VTA1: variants seen among roughly 807,000 people sequenced by gnomAD.
VTA1 encodes vacuolar protein sorting-associated protein VTA1 homolog.
VTA1 carries 24 observed loss-of-function variants against 36.9 expected under a neutral mutation model. The ratio of observed to expected loss-of-function variants is 0.65; its 90% CI spans 0.47 to 0.91. VTA1 has a LOEUF of 0.91. Among genes scored for constraint, VTA1 ranks in the 40% least tolerant of loss-of-function variants. The pLI is 0.00. For missense variants in VTA1, 393 were observed against 377.2 expected (o/e 1.04, Z -0.35); for synonymous variants, 142 against 130.2 (o/e 1.09, Z -0.62).
At chr6:142,207,691 A>T (rs533697976) in intron 7 of VTA1, among the ~76,000 whole-genome samples, 1 of 151,670 alleles carries the variant, frequency 6.6e-6, no homozygotes, top group Admixed American at 6.6e-5. Flanking sequence ...TGGACAGAGA[A>T]AACTGGAATA....
chr6:142,163,150 C>T (rs1774840172), intron 1 of VTA1, among the ~76,000 whole-genome samples: 1 of 152,132 alleles, frequency 6.6e-6, no homozygotes, highest in Non-Finnish European at 1.5e-5. Context: ...GTTGGCAGTA[C>T]CCTATGTTAG....
intron 4 of VTA1, among the ~76,000 whole-genome samples, chr6:142,180,345 AAATAAG>A (rs1409953900): frequency 6.6e-6 from 1 of 152,184 alleles, no homozygotes; most frequent in Non-Finnish European, 1.5e-5. Flanking sequence ...TTGAGCATAA[AAATAAG>A]AATGATAGTA....
At chr6:142,181,904 A>G (rs1235053634) in intron 4 of VTA1, among the ~76,000 whole-genome samples, 1 of 152,222 alleles carries the variant, frequency 6.6e-6, no homozygotes, top group Admixed American at 6.5e-5. Context: ...CAGGAAATAC[A>G]TGTAATCTGT....
In VTA1 at chr6:142,216,642, CA is replaced by C. The variant is rs543208542; in HGVS notation, c.779-1855del. Among the ~76,000 whole-genome samples, 99 of 151,832 alleles carry C rather than the reference CA, an allele frequency of 6.5e-4. 1 individual carries two copies. Among genetic ancestry groups the C allele is most frequent in the African/African-American group, 2.1e-3 (89 of 41,400 alleles). On this transcript the variant is annotated intron_variant, in intron 7 of 7. Coordinates refer to ENST00000367630, the MANE Select transcript of VTA1 (RefSeq NM_016485.5). The stretch of plus-strand genomic sequence containing the variant: ...CATTTTTTAAATATTGAAATTATTT[CA>C]CAAAAAAATACAGTATTTGTGTTTT...
At chr6:142,147,523 C>T in intron 1 of VTA1, 124 bp downstream of exon 1, 4 of 1,010,012 alleles carry the variant, frequency 4.0e-6, no homozygotes, top group Non-Finnish European at 5.9e-6. Flanking sequence ...TGACCTCGAG[C>T]CTACCCAGGG....
intron 1 of VTA1, among the ~76,000 whole-genome samples, chr6:142,152,177 A>G (rs1485181136): frequency 2.0e-5 from 3 of 151,880 alleles, no homozygotes; most frequent in African/African-American, 7.2e-5. Flanking sequence ...TCTGCATCCT[A>G]CAATAAATAA....
rs557273246 is a variant in VTA1 at position 142,174,690 on chromosome 6, C to T, written c.411+4269C>T. Among the ~76,000 whole-genome samples the T allele has an allele frequency of 1.8e-4, 28 of 152,242 alleles. 1 individual carries two copies. The East Asian group carries it at 5.4e-3, about 29-fold the overall frequency. On this transcript the variant is annotated intron_variant, in intron 4 of 7. Coordinates refer to ENST00000367630, the MANE Select transcript of VTA1 (RefSeq NM_016485.5). ...GCCAAAACTCATGTTAAAATGTGAT[C>T]CTCAGTGTTGGAGGTGAGGCCTGGT...
At chr6:142,156,649 G>C (rs1366304578) in intron 1 of VTA1, among the ~76,000 whole-genome samples, 1 of 152,122 alleles carries the variant, frequency 6.6e-6, no homozygotes, top group South Asian at 2.1e-4. Context: ...GGGTGACATT[G>C]TAAAGTTAAT....
intron 5 of VTA1, among the ~76,000 whole-genome samples, chr6:142,196,577 T>C (rs993360072): frequency 1.3e-5 from 2 of 152,164 alleles, no homozygotes; most frequent in African/African-American, 2.4e-5. Flanking sequence ...TTTTTTTCTC[T>C]TACAGTTTTT....
At chr6:142,201,646 A>G (rs1056923020) in intron 6 of VTA1, among the ~76,000 whole-genome samples, 1 of 152,026 alleles carries the variant, frequency 6.6e-6, no homozygotes, top group African/African-American at 2.4e-5. Flanking sequence ...TCATTGTAAA[A>G]TGCAGCTCAC....
chr6:142,175,387 T>G lies in VTA1; in HGVS notation c.411+4966T>G, dbSNP rs1193647422. ...ACCAGGCTGCTCACTGTCTTCTCAT[T>G]TTTCACCTTTGGAAATGTGTTTTTA... On this transcript the variant is annotated intron_variant, in intron 4 of 7. Coordinates refer to ENST00000367630, the MANE Select transcript of VTA1 (RefSeq NM_016485.5). Among the ~76,000 whole-genome samples the G allele has an allele frequency of 2.0e-5, 3 of 151,966 alleles. No homozygotes were observed. In the East Asian group the frequency reaches 5.8e-4, roughly 30 times the overall value.
chr6:142,202,286 A>G (rs1775703053), intron 6 of VTA1, among the ~76,000 whole-genome samples: 1 of 152,004 alleles, frequency 6.6e-6, no homozygotes, highest in African/African-American at 2.4e-5. Context: ...GTCATTGAAT[A>G]GGTCAGCCTA....
chr6:142,218,833 A>G lies in VTA1; in HGVS notation c.*190A>G. ...CTCAACCAGTTTTCATTGTCCATTT[A>G]CTAGATTCAATCGTCTCTGAGTATA... On this transcript the variant is annotated 3_prime_UTR_variant, in exon 8 of 8. Transcript: ENST00000367630. The G allele has an allele frequency of 1.7e-6, 1 of 592,730 alleles. No homozygotes were observed. Among genetic ancestry groups the G allele is most frequent in the South Asian group, 2.6e-5 (1 of 38,028 alleles). The allele number at this position is 592,730 out of a possible 1,614,324, so 36.7% of individuals were successfully genotyped here. A position where few individuals can be genotyped will look rare whatever the true frequency, so the allele number is the denominator to read the frequency against.
At chr6:142,198,291 T>A in intron 5 of VTA1, 148 bp from the exon 6 acceptor site, 2 of 598,420 alleles carry the variant, frequency 3.3e-6, no homozygotes, top group Non-Finnish European at 5.2e-6. Context: ...ATTAAAAATA[T>A]TGTTTTAAGA....
intron 4 of VTA1, among the ~76,000 whole-genome samples, chr6:142,183,548 C>A (rs1211962443): frequency 6.6e-6 from 1 of 152,144 alleles, no homozygotes; most frequent in Non-Finnish European, 1.5e-5. Flanking sequence ...TGATTCTCAT[C>A]AATCTAATAA....
chr6:142,215,803 T>C (rs1055278589), intron 7 of VTA1, among the ~76,000 whole-genome samples: 4 of 152,226 alleles, frequency 2.6e-5, no homozygotes, highest in Non-Finnish European at 5.9e-5. Flanking sequence ...TGGATGCTTA[T>C]GTCAACTGAG....
chr6:142,204,529 A>G (rs1054158552), intron 7 of VTA1, among the ~76,000 whole-genome samples: 6 of 152,174 alleles, frequency 3.9e-5, no homozygotes, highest in Admixed American at 3.9e-4. Context: ...TGATTGGTTT[A>G]AGTATAATCT....
intron 7 of VTA1, among the ~76,000 whole-genome samples, chr6:142,205,967 T>TA (rs950508091): frequency 6.6e-6 from 1 of 152,204 alleles, no homozygotes; most frequent in African/African-American, 2.4e-5. Flanking sequence ...CTTCAAAAGG[T>TA]AAAAGGCTTA....
At chr6:142,188,939 TAAA>T in intron 4 of VTA1, among the ~76,000 whole-genome samples, 1 of 152,212 alleles carries the variant, frequency 6.6e-6, no homozygotes, top group Non-Finnish European at 1.5e-5. Flanking sequence ...TGTGACTAGT[TAAA>T]AAGTCAGGTT....
Sources: allele counts gnomAD v4.1 joint callset (sites outside exome capture counted in the v4.1 genomes callset), GRCh38; gene constraint gnomAD v4.1.1; transcripts MANE v1.5; gene names NCBI Gene and HGNC (gene_info 2026-07-23, HGNC 2026-07-21).